CLGN: variants seen among roughly 807,000 people sequenced by gnomAD.
The protein encoded by CLGN is calmegin, also known as testis tissue sperm-binding protein Li 79P.
In CLGN, 62 loss-of-function variants were observed where a neutral mutation model predicts 79.1. That is an observed-to-expected ratio of 0.78 (90% CI 0.64 to 0.97). CLGN has a LOEUF of 0.97. CLGN is among the 50% of genes least tolerant of loss of function. CLGN has a pLI of 0.00. For synonymous variants in CLGN, 225 were observed against 224.7 expected (o/e 1.00, Z -0.01); for missense variants, 647 against 715.5 (o/e 0.90, Z 1.09).
At chr4:140,399,691 C>A in intron 7 of CLGN, among the ~76,000 whole-genome samples, 1 of 152,088 alleles carries the variant, frequency 6.6e-6, no homozygotes, top group East Asian at 1.9e-4. Flanking sequence ...CTATTAGGTT[C>A]CAATATGCTC....
At chr4:140,402,332 C>T (rs1729015748) in intron 5 of CLGN, among the ~76,000 whole-genome samples, 1 of 151,624 alleles carries the variant, frequency 6.6e-6, no homozygotes, top group African/African-American at 2.4e-5. Flanking sequence ...AATTTTTTTC[C>T]ATCAAAACTG....
chr4:140,394,930 T>C (rs568098378), intron 10 of CLGN, among the ~76,000 whole-genome samples: 1 of 152,152 alleles, frequency 6.6e-6, no homozygotes, highest in Admixed American at 6.5e-5. Context: ...TTCTGTAACC[T>C]GAGCACTTTG....
rs150556621 is a variant in CLGN at position 140,393,898 on chromosome 4, C to T, written c.1293G>A (p.Ser431=). The T allele has an allele frequency of 2.2e-5, 35 of 1,613,554 alleles. No homozygotes were observed. The highest frequency in any genetic ancestry group is 1.6e-4 in the East Asian group (7 of 44,794). Reference sequence around the variant, plus strand: ...CCCAGTGATCTGCTACTTCCTTTTCCGAACAGATAATAAAATTATCAAAGT... The same window carrying T: ...CCCAGTGATCTGCTACTTCCTTTTCTGAACAGATAATAAAATTATCAAAGT... The part of the protein sequence containing the change: ...DIYFDNFIIC[S]EKEVADHWAA... Residue 431 remains serine (S), a synonymous_variant, in exon 11 of 15, where the codon TCG becomes TCA. Coordinates refer to ENST00000325617, the MANE Select transcript of CLGN (RefSeq NM_004362.3).
chr4:140,419,068 T>G (rs992575833), intron 1 of CLGN, among the ~76,000 whole-genome samples: 1 of 151,888 alleles, frequency 6.6e-6, no homozygotes, highest in Non-Finnish European at 1.5e-5. Context: ...ATGGATGAAA[T>G]TGGAAAACAT....
rs1248278000 is a variant in CLGN, at chr4:140,396,885, ATATATG to A, written c.885-686_885-681del. On this transcript the variant is annotated intron_variant, in intron 8 of 14. Coordinates refer to ENST00000325617, the MANE Select transcript of CLGN (RefSeq NM_004362.3). ...AGCATATATATATACATATATATAT[ATATATG>A]TATATATATATATATGTATATATAT... Among the ~76,000 whole-genome samples, 169 of 61,146 alleles carry A rather than the reference ATATATG, an allele frequency of 2.8e-3. 2 individuals are homozygous for A. Among genetic ancestry groups the A allele is most frequent in the African/African-American group, 7.5e-3 (101 of 13,524 alleles). 40.1% of individuals were successfully genotyped at this position (61,146 alleles called of 152,430 possible).
intron 6 of CLGN, among the ~76,000 whole-genome samples, chr4:140,401,394 A>T (rs987852973): frequency 6.6e-6 from 1 of 152,152 alleles, no homozygotes; most frequent in Admixed American, 6.5e-5. Flanking sequence ...GCTTATGTAC[A>T]GCTAAGTGTT....
intron 5 of CLGN, among the ~76,000 whole-genome samples, chr4:140,402,998 A>T (rs1328052689): frequency 6.6e-6 from 1 of 152,166 alleles, no homozygotes; most frequent in Non-Finnish European, 1.5e-5. Flanking sequence ...AAGGTAAAAC[A>T]TGATAGTATA....
intron 1 of CLGN, among the ~76,000 whole-genome samples, chr4:140,413,835 C>G (rs1220754099): frequency 2.6e-5 from 4 of 152,260 alleles, no homozygotes; most frequent in African/African-American, 9.6e-5. Context: ...CCTGGAAGCT[C>G]GAACTGGGCG....
chr4:140,423,861 A>T, intron 1 of CLGN, among the ~76,000 whole-genome samples: 1 of 152,170 alleles, frequency 6.6e-6, no homozygotes, highest in East Asian at 1.9e-4. Flanking sequence ...GTAGAATCAG[A>T]TGTAATGTCC....
chr4:140,398,967 A>C lies in CLGN; in HGVS notation c.768T>G (p.Asp256Glu), dbSNP rs1302623223. 6.2e-7 allele frequency: 1 copy of C among 1,613,828 alleles called. No individual in the cohort carries two copies. Among genetic ancestry groups the C allele is most frequent in the Admixed American group, 1.7e-5 (1 of 60,012 alleles). ...TGGGAGGTTTGATAGGAGGAACCACATCCTCTAGGAGGCTTCCTTTGTTTA... is the reference window on the plus strand; with the variant it reads ...TGGGAGGTTTGATAGGAGGAACCACCTCCTCTAGGAGGCTTCCTTTGTTTA... ...TVVNKGSLLE[D>E]VVPPIKPPKE... The change falls in exon 8 of 15, where the codon GAT becomes GAG. Residue 256 changes from aspartate (D) to glutamate (E), a missense_variant. Asp to Glu is a conservative substitution (Grantham distance 45). Coordinates refer to ENST00000325617, the MANE Select transcript of CLGN (RefSeq NM_004362.3).
chr4:140,400,211 G>A (rs548408323), intron 7 of CLGN, 146 bp downstream of exon 7: 22 of 556,350 alleles, frequency 4.0e-5, no homozygotes, highest in Non-Finnish European at 6.9e-5. Flanking sequence ...TTCTACCCGT[G>A]CTGTCATTAT....
intron 13 of CLGN, 136 bp downstream of exon 13, chr4:140,392,083 C>A: frequency 9.3e-7 from 1 of 1,075,916 alleles, no homozygotes; most frequent in Non-Finnish European, 1.3e-6. Flanking sequence ...CTTCTTGCCA[C>A]AGTCACATAT....
At position 140,399,008 on chromosome 4, in the gene CLGN, C is replaced by CT. The variant is rs753138171; in HGVS notation, c.726dup (p.Val243SerfsTer2). 1.9e-5 allele frequency: 30 copies of CT among 1,613,540 alleles called. No individual in the cohort carries two copies. The Admixed American group carries it at 2.7e-4, about 14-fold the overall frequency. On this transcript the variant is annotated frameshift_variant, in exon 8 of 15. Transcript: ENST00000325617. LOFTEE classifies it high-confidence loss of function. ...CCTTTGTTTACAACTGTTTGATCAA[C>CT]TAACACCTCAAATGTGTCATCTGGA...
chr4:140,424,633 C>G (rs1183874829), intron 1 of CLGN, among the ~76,000 whole-genome samples: 1 of 152,092 alleles, frequency 6.6e-6, no homozygotes, highest in Non-Finnish European at 1.5e-5. Context: ...ACATTTAGTG[C>G]TAATGTCACC....
Position 140,391,505 on chromosome 4 carries a change from G to GTATA in CLGN, c.1651+710_1651+713dup, listed in dbSNP as rs144886089. On this transcript the variant is annotated intron_variant, in intron 13 of 14. Coordinates refer to ENST00000325617, the MANE Select transcript of CLGN (RefSeq NM_004362.3). The stretch of plus-strand genomic sequence containing the variant: ...CATGAACATGTGTATGTATATGTGT[G>GTATA]TATATATATATATACTGTCTCTTAA... 2.0e-5 allele frequency among the ~76,000 whole-genome samples: 3 copies of GTATA among 150,542 alleles called. No homozygotes were observed. In the East Asian group the frequency reaches 5.8e-4, roughly 29 times the overall value.
intron 1 of CLGN, among the ~76,000 whole-genome samples, chr4:140,413,480 C>T (rs904496680): frequency 1.3e-5 from 2 of 152,110 alleles, no homozygotes; most frequent in African/African-American, 2.4e-5. Flanking sequence ...AGACAGTGGG[C>T]GCAGGTCAGT....
chr4:140,420,530 ATTGTTT>A (rs1283909676), intron 1 of CLGN, among the ~76,000 whole-genome samples: 1 of 140,514 alleles, frequency 7.1e-6, no homozygotes, highest in Non-Finnish European at 1.6e-5. Context: ...ATGCAGTTCT[ATTGTTT>A]TTATTTGTTC....
At position 140,392,160 on chromosome 4, in the gene CLGN, T is replaced by C. The variant is rs1245858407; in HGVS notation, c.1651+59A>G. 9 of 1,554,650 alleles carry C rather than the reference T, an allele frequency of 5.8e-6. No homozygotes were observed. The Middle Eastern group carries it at 5.2e-4, about 89-fold the overall frequency. On this transcript the variant is annotated intron_variant, in intron 13 of 14. Coordinates refer to ENST00000325617, the MANE Select transcript of CLGN (RefSeq NM_004362.3). Reference sequence around the variant, plus strand: ...ATAATAACTAGTTATTTCAAGGCCATATACAGTTTTATGAGCTTTACCCAG... The same window carrying C: ...ATAATAACTAGTTATTTCAAGGCCACATACAGTTTTATGAGCTTTACCCAG...
Position 140,396,908 on chromosome 4 carries a change from T to TATAC in CLGN, c.885-704_885-703insGTAT, listed in dbSNP as rs1553944652. Among the ~76,000 whole-genome samples, 16 of 10,336 alleles carry TATAC rather than the reference T, an allele frequency of 1.5e-3. 1 individual carries two copies. Among genetic ancestry groups the TATAC allele is most frequent in the Admixed American group, 6.8e-3 (9 of 1,328 alleles). 6.8% of individuals were successfully genotyped at this position (10,336 alleles called of 152,430 possible). ...ATATATATGTATATATATATATATG[T>TATAC]ATATATATATATATACACATATATA... is the stretch of plus-strand genomic sequence containing the variant. On this transcript the variant is annotated intron_variant, in intron 8 of 14. Transcript: ENST00000325617.
Sources: allele counts gnomAD v4.1 joint callset (sites outside exome capture counted in the v4.1 genomes callset), GRCh38; gene constraint gnomAD v4.1.1; transcripts MANE v1.5; gene names NCBI Gene and HGNC (gene_info 2026-07-23, HGNC 2026-07-21).